Variants in GPHN observed in about 807,000 individuals in gnomAD.
The protein encoded by GPHN is gephyrin.
In GPHN, 17 loss-of-function variants were observed where a neutral mutation model predicts 95.5. The observed-to-expected ratio is 0.18, with a 90% CI of 0.12 to 0.27. The LOEUF (loss-of-function observed/expected upper bound fraction) is 0.27. GPHN is among the 10% of genes least tolerant of loss of function. The probability of loss-of-function intolerance (pLI) is 1.00; values close to 1 mark genes in which losing one functional copy is unlikely to be tolerated. For missense variants in GPHN, 660 were observed against 978.1 expected (o/e 0.67, Z 4.34); for synonymous variants, 320 against 322.5 (o/e 0.99, Z 0.08).
chr14:66,776,451 C>A lies in GPHN; in HGVS notation c.144-13C>A. 6.8e-7 allele frequency: 1 copy of A among 1,468,446 alleles called. No individual in the cohort carries two copies. Among genetic ancestry groups the A allele is most frequent in the Non-Finnish European group, 9.5e-7 (1 of 1,048,928 alleles). 91.0% of individuals were successfully genotyped at this position (1,468,446 alleles called of 1,614,324 possible). On this transcript the variant is annotated splice_polypyrimidine_tract_variant and intron_variant, in intron 2 of 22. Transcript: ENST00000478722. ...TTGCTGGTTTTGAGAATATTTTCTT[C>A]TCCTAATTTCAGGTTGGGTGGGACT...
chr14:67,233,728 T>G, the GPHN span, among the ~76,000 whole-genome samples: 1 of 152,126 alleles, frequency 6.6e-6, no homozygotes, highest in Non-Finnish European at 1.5e-5. Flanking sequence ...AGTGGTTAGA[T>G]TCTGGATATA....
chr14:66,824,182 GAT>G (rs2061311179), intron 3 of GPHN, among the ~76,000 whole-genome samples: 2 of 152,232 alleles, frequency 1.3e-5, no homozygotes, highest in Non-Finnish European at 2.9e-5. Flanking sequence ...AAGAACTTCA[GAT>G]AAGCCATTAA....
chr14:67,696,099 G>C, the GPHN span, among the ~76,000 whole-genome samples: 4 of 152,014 alleles, frequency 2.6e-5, no homozygotes, highest in Admixed American at 2.6e-4. Context: ...TCAATGAAAA[G>C]TTGAACCAGA....
the GPHN span, chr14:67,338,877 T>C: frequency 7.0e-5 from 56 of 801,692 alleles, no homozygotes; most frequent in African/African-American, 8.5e-4. Flanking sequence ...AAAAACCTGG[T>C]ACTTTTATTA....
At chr14:67,354,381 T>G in the GPHN span, among the ~76,000 whole-genome samples, 1 of 152,224 alleles carries the variant, frequency 6.6e-6, no homozygotes, top group Admixed American at 6.5e-5. Flanking sequence ...ATATTAAGGA[T>G]TTAAAAATCT....
At chr14:67,317,069 T>C in the GPHN span, among the ~76,000 whole-genome samples, 1 of 152,234 alleles carries the variant, frequency 6.6e-6, no homozygotes, top group African/African-American at 2.4e-5. Context: ...ATTTAAGTAT[T>C]AAAGATTATC....
chr14:67,590,248 AAT>A, the GPHN span: 18 of 1,178,296 alleles, frequency 1.5e-5, no homozygotes, highest in Admixed American at 6.3e-5. Context: ...TCCACTTGCA[AAT>A]TTTTTTTTTT....
intron 1 of GPHN, among the ~76,000 whole-genome samples, chr14:66,674,065 G>A (rs1024032266): frequency 1.3e-5 from 2 of 151,192 alleles, no homozygotes; most frequent in African/African-American, 4.9e-5. Flanking sequence ...TTATACTACA[G>A]TGCTGTAAAG....
the GPHN span, among the ~76,000 whole-genome samples, chr14:67,468,656 G>T: frequency 1.3e-5 from 2 of 152,168 alleles, no homozygotes; most frequent in Non-Finnish European, 1.5e-5. Context: ...CACTTTGGGA[G>T]GCCGAGGCGG....
At chr14:67,485,041 T>C in the GPHN span, among the ~76,000 whole-genome samples, 1 of 152,222 alleles carries the variant, frequency 6.6e-6, no homozygotes, top group Non-Finnish European at 1.5e-5. Flanking sequence ...CTACTACAGA[T>C]GATATAACGA....
At chr14:67,284,443 A>T in the GPHN span, among the ~76,000 whole-genome samples, 23 of 145,666 alleles carry the variant, frequency 1.6e-4, 1 homozygote, top group African/African-American at 5.9e-4. Flanking sequence ...AAAAAAAAAA[A>T]ACAGCTGGGC....
At chr14:66,510,802 A>G (rs1415407181) in intron 1 of GPHN, among the ~76,000 whole-genome samples, 1 of 152,114 alleles carries the variant, frequency 6.6e-6, no homozygotes, top group Non-Finnish European at 1.5e-5. Context: ...TGAAAAGCTG[A>G]AGTGGAATGG....
chr14:67,648,344 T>A, the GPHN span: 1 of 737,938 alleles, frequency 1.4e-6, no homozygotes, highest in Non-Finnish European at 2.1e-6. Context: ...ATAAAAAGGA[T>A]ATAGTCCTTT....
the GPHN span, among the ~76,000 whole-genome samples, chr14:67,617,769 G>A: frequency 6.6e-6 from 1 of 152,134 alleles, no homozygotes; most frequent in East Asian, 1.9e-4. Context: ...TGCCCAGGCT[G>A]GAGTGTAATG....
intron 22 of GPHN, 77 bp from the exon 23 acceptor site, chr14:67,180,726 AT>A: frequency 7.1e-7 from 1 of 1,412,762 alleles, no homozygotes; most frequent in South Asian, 1.2e-5. Flanking sequence ...GTCTGTTTAC[AT>A]TTTGAAAAGG....
intron 2 of GPHN, among the ~76,000 whole-genome samples, chr14:66,758,520 T>C (rs2058650181): frequency 6.6e-6 from 1 of 152,136 alleles, no homozygotes; most frequent in African/African-American, 2.4e-5. Flanking sequence ...CGTGACCATT[T>C]TGAGTTTGAT....
At chr14:66,548,178 A>ATTTTT (rs564746424) in intron 1 of GPHN, among the ~76,000 whole-genome samples, 2 of 116,134 alleles carry the variant, frequency 1.7e-5, no homozygotes, top group African/African-American at 3.6e-5. Flanking sequence ...TACTATTGTA[A>ATTTTT]TTTTTTTTTT....
chr14:66,706,338 A>G (rs965582254), intron 2 of GPHN, among the ~76,000 whole-genome samples: 1 of 152,224 alleles, frequency 6.6e-6, no homozygotes, highest in African/African-American at 2.4e-5. Flanking sequence ...GAATCAAGGA[A>G]GATCCCATAT....
chr14:67,729,598 G>T, the GPHN span: 15 of 637,086 alleles, frequency 2.4e-5, no homozygotes, highest in Non-Finnish European at 4.2e-5. Context: ...TTATACTCGT[G>T]TGCCGCTTTT....
Sources: gnomAD v4.1 joint callset for allele counts (sites outside exome capture counted in the v4.1 genomes callset) on GRCh38, gnomAD v4.1.1 for gene constraint, MANE v1.5 for transcripts, NCBI Gene and HGNC (gene_info 2026-07-23, HGNC 2026-07-21) for gene names.